Variants in PET100 observed in about 807,000 individuals in gnomAD.
PET100 encodes protein PET100 homolog, mitochondrial.
A neutral mutation model predicts 13.6 loss-of-function variants in PET100; 13 were observed. That is an observed-to-expected ratio of 0.96 (90% CI 0.62 to 1.52). The LOEUF (loss-of-function observed/expected upper bound fraction) is 1.52, where lower values mean the gene tolerates loss of function less well. Ranked by LOEUF, PET100 falls within the 40% of genes most tolerant of loss-of-function variation. The probability of loss-of-function intolerance (pLI) is 0.00; values close to 1 mark genes in which losing one functional copy is unlikely to be tolerated. For synonymous variants in PET100, 28 were observed against 30.8 expected (o/e 0.91, Z 0.30); for missense variants, 94 against 95.3 (o/e 0.99, Z 0.06).
At chr19:7,631,410 G>T in intron 3 of PET100, 63 bp from the exon 4 acceptor site, 2 of 821,204 alleles carry the variant, frequency 2.4e-6, no homozygotes, top group Non-Finnish European at 3.6e-6. Context: ...GGGGGGGGGT[G>T]GTCCCGGCTC....
rs1182307874 is a variant in PET100, at chr19:7,631,890, A to G, written c.*334A>G. 7.7e-7 allele frequency: 1 copy of G among 1,305,356 alleles called. No individual in the cohort carries two copies. The highest frequency in any genetic ancestry group is 1.5e-5 in the African/African-American group (1 of 66,166). The allele number at this position is 1,305,356 out of a possible 1,614,324, so 80.9% of individuals were successfully genotyped here. A position where few individuals can be genotyped will look rare whatever the true frequency, so the allele number is the denominator to read the frequency against. On this transcript the variant is annotated 3_prime_UTR_variant, in exon 4 of 4. Coordinates refer to ENST00000594797, the MANE Select transcript of PET100 (RefSeq NM_001171155.2). ...GTGGCGAACAATGGAGAGAGGGTGC[A>G]GGTAGCCACCGTGTCCCACCTCATT...
chr19:7,629,933 G>T lies in PET100; in HGVS notation c.27+73G>T, dbSNP rs528021184. The stretch of plus-strand genomic sequence containing the variant: ...TGGATCTGAAGATGAGGTTGGAAAT[G>T]GGGGGACTTCAAAGGAAGAGGGAGC... On this transcript the variant is annotated intron_variant, in intron 1 of 3. Transcript: ENST00000594797. 3.4e-3 allele frequency: 4,920 copies of T among 1,431,456 alleles called. 15 individuals carry two copies. The highest frequency in any genetic ancestry group is 4.1e-3 in the Non-Finnish European group (4,449 of 1,087,038). 88.7% of individuals were successfully genotyped at this position (1,431,456 alleles called of 1,614,324 possible).
Position 7,631,536 on chromosome 19 carries a change from G to A in PET100, c.202G>A (p.Asp68Asn), listed in dbSNP as rs978345033. 5.5e-5 allele frequency: 85 copies of A among 1,535,792 alleles called. No individual in the cohort carries two copies. Among genetic ancestry groups the A allele is most frequent in the Admixed American group, 7.9e-5 (4 of 50,930 alleles). Residue 68 changes from aspartate to asparagine, a missense_variant, in exon 4 of 4, where the codon GAC becomes AAC. By Grantham distance (23) the Asp-to-Asn change is conservative (BLOSUM62 1). Transcript: ENST00000594797. ...RKRREEKLLR[D>N]AQQNS ...GCGGCGGGAGGAGAAGCTCCTTCGC[G>A]ACGCCCAGCAGAACTCCTGAGGCCT...
chr19:7,629,875 G>C lies in PET100; in HGVS notation c.27+15G>C. The C allele has an allele frequency of 6.5e-7, 1 of 1,528,744 alleles. No homozygotes were observed. Among genetic ancestry groups the C allele is most frequent in the African/African-American group, 1.4e-5 (1 of 72,848 alleles). The allele number at this position is 1,528,744 out of a possible 1,614,324, so 94.7% of individuals were successfully genotyped here. A position where few individuals can be genotyped will look rare whatever the true frequency, so the allele number is the denominator to read the frequency against. On this transcript the variant is annotated intron_variant, in intron 1 of 3. Transcript: ENST00000594797. ...AGATATTTCGGGTCAGTGGACACAG[G>C]AGTGGGTTGGGAGGCTGGGCAGGGG...
At position 7,631,912 on chromosome 19, in the gene PET100, CATT is replaced by C; in HGVS notation, c.*357_*359del. The C allele has an allele frequency of 8.7e-7, 1 of 1,148,074 alleles. No individual in the cohort carries two copies. Among genetic ancestry groups the C allele is most frequent in the East Asian group, 2.8e-5 (1 of 35,434 alleles). The allele number at this position is 1,148,074 out of a possible 1,614,324, so 71.1% of individuals were successfully genotyped here. On this transcript the variant is annotated 3_prime_UTR_variant, in exon 4 of 4. Coordinates refer to ENST00000594797, the MANE Select transcript of PET100 (RefSeq NM_001171155.2). The stretch of plus-strand genomic sequence containing the variant: ...TGCAGGTAGCCACCGTGTCCCACCT[CATT>C]GTGAGCACTGGTCTATGTTTACCCT...
At chr19:7,630,463 C>A in intron 1 of PET100, 110 bp from the exon 2 acceptor site, 1 of 846,820 alleles carries the variant, frequency 1.2e-6, no homozygotes, top group Non-Finnish European at 1.9e-6. Context: ...CTTGGGTCGG[C>A]CGTAACGAGG....
intron 3 of PET100, 150 bp downstream of exon 3, chr19:7,630,996 G>C: frequency 1.9e-6 from 2 of 1,047,894 alleles, no homozygotes; most frequent in Non-Finnish European, 2.8e-6. Context: ...ATCACTTGAG[G>C]TCAGGAGTTC....
chr19:7,630,441 A>T, intron 1 of PET100, 132 bp from the exon 2 acceptor site: 1 of 693,774 alleles, frequency 1.4e-6, no homozygotes, highest in South Asian at 1.7e-5. Flanking sequence ...CCTTGGTGGG[A>T]GTTCTGGGAT....
intron 1 of PET100, chr19:7,630,117 A>G (rs1317523565): frequency 1.7e-5 from 7 of 413,814 alleles, no homozygotes; most frequent in Non-Finnish European, 3.0e-5. Context: ...GTGAGCTGAG[A>G]AGGGGGCTCT....
In PET100 at chr19:7,631,528, T is replaced by A; in HGVS notation, c.194T>A (p.Leu65His). 1 of 1,535,842 alleles carries A rather than the reference T, an allele frequency of 6.5e-7. No individual in the cohort carries two copies. The highest frequency in any genetic ancestry group is 8.7e-7 in the Non-Finnish European group (1 of 1,146,670). ...TTACGGAAGCGGCGGGAGGAGAAGC[T>A]CCTTCGCGACGCCCAGCAGAACTCC... Reference protein sequence around the residue: ...ERLRKRREEKLLRDAQQNS With the variant: ...ERLRKRREEKHLRDAQQNS The change falls in exon 4 of 4, where the codon CTC becomes CAC. Residue 65 changes from leucine (L) to histidine (H), a missense_variant. Transcript: ENST00000594797.
Position 7,631,813 on chromosome 19 carries a change from G to T in PET100, c.*257G>T, listed in dbSNP as rs1326298373. 7.2e-7 allele frequency: 1 copy of T among 1,394,334 alleles called. No individual in the cohort carries two copies. The highest frequency in any genetic ancestry group is 2.8e-5 in the Admixed American group (1 of 36,214). 86.4% of individuals were successfully genotyped at this position (1,394,334 alleles called of 1,614,324 possible). A position where few individuals can be genotyped will look rare whatever the true frequency, so the allele number is the denominator to read the frequency against. On this transcript the variant is annotated 3_prime_UTR_variant, in exon 4 of 4. Coordinates refer to ENST00000594797, the MANE Select transcript of PET100 (RefSeq NM_001171155.2). Reference sequence around the variant, plus strand: ...AGCTCGTTTCTGTGCTCCGTCCTGTGGATGAAGAGGGGTCAGCCAGGGGGA... The same window carrying T: ...AGCTCGTTTCTGTGCTCCGTCCTGTTGATGAAGAGGGGTCAGCCAGGGGGA...
At chr19:7,630,700 G>A (rs1307671480) in intron 2 of PET100, 41 bp downstream of exon 2, 1 of 1,532,044 alleles carries the variant, frequency 6.5e-7, no homozygotes, top group East Asian at 2.4e-5. Flanking sequence ...TTCCAGGGGT[G>A]GGAGAGGGTG....
chr19:7,630,960 A>T, intron 3 of PET100, 114 bp downstream of exon 3: 1 of 1,325,998 alleles, frequency 7.5e-7, no homozygotes, highest in Non-Finnish European at 1.0e-6. Context: ...TTGTAATCCC[A>T]GGGCATGGGA....
chr19:7,631,920 G>C lies in PET100; in HGVS notation c.*364G>C. 9.0e-7 allele frequency: 1 copy of C among 1,105,478 alleles called. No individual in the cohort carries two copies. Among genetic ancestry groups the C allele is most frequent in the Non-Finnish European group, 1.2e-6 (1 of 833,660 alleles). The allele number at this position is 1,105,478 out of a possible 1,614,324, so 68.5% of individuals were successfully genotyped here. ...GCCACCGTGTCCCACCTCATTGTGA[G>C]CACTGGTCTATGTTTACCCTCAATA... On this transcript the variant is annotated 3_prime_UTR_variant, in exon 4 of 4. Transcript: ENST00000594797.
At chr19:7,630,879 G>A (rs2031267902) in intron 3 of PET100, 33 bp downstream of exon 3, 1 of 1,537,122 alleles carries the variant, frequency 6.5e-7, no homozygotes, top group Non-Finnish European at 8.7e-7. Flanking sequence ...CAGAGGGATG[G>A]AGGAGGCTGG....
chr19:7,631,886 G>A lies in PET100; in HGVS notation c.*330G>A. ...ACAGGTGGCGAACAATGGAGAGAGG[G>A]TGCAGGTAGCCACCGTGTCCCACCT... is the stretch of plus-strand genomic sequence containing the variant. On this transcript the variant is annotated 3_prime_UTR_variant, in exon 4 of 4. Coordinates refer to ENST00000594797, the MANE Select transcript of PET100 (RefSeq NM_001171155.2). 2 of 1,326,694 alleles carry A rather than the reference G, an allele frequency of 1.5e-6. No individual in the cohort carries two copies. The highest frequency in any genetic ancestry group is 2.0e-6 in the Non-Finnish European group (2 of 1,020,430). 82.2% of individuals were successfully genotyped at this position (1,326,694 alleles called of 1,614,324 possible). A position where few individuals can be genotyped will look rare whatever the true frequency, so the allele number is the denominator to read the frequency against.
chr19:7,631,409 T>TGGGGTGGGGGGGGGGGGGGGGGGGG, intron 3 of PET100, 64 bp from the exon 4 acceptor site: 1 of 638,364 alleles, frequency 1.6e-6, no homozygotes, highest in Non-Finnish European at 2.2e-6. Flanking sequence ...CGGGGGGGGG[T>TGGGGTGGGGGGGGGGGGGGGGGGGG]GGTCCCGGCT....
chr19:7,631,163 C>T, intron 3 of PET100: 1 of 1,103,506 alleles, frequency 9.1e-7, no homozygotes, highest in Admixed American at 3.0e-5. Context: ...AGCCCAAGAT[C>T]ACGCCACTGC....
At position 7,631,404 on chromosome 19, in the gene PET100, G is replaced by GGT. The variant is rs1191501359; in HGVS notation, c.139-68_139-67insTG. The GGT allele has an allele frequency of 2.8e-6, 3 of 1,065,396 alleles. No individual in the cohort carries two copies. In the Admixed American group the frequency reaches 7.5e-5, roughly 27 times the overall value. 66.0% of individuals were successfully genotyped at this position (1,065,396 alleles called of 1,614,324 possible). A position where few individuals can be genotyped will look rare whatever the true frequency, so the allele number is the denominator to read the frequency against. ...AGGGTGGTGGGAGAGGTGGGCGGGG[G>GGT]GGGGTGGTCCCGGCTCTGAGGTGTG... On this transcript the variant is annotated intron_variant, in intron 3 of 3. Coordinates refer to ENST00000594797, the MANE Select transcript of PET100 (RefSeq NM_001171155.2).
Sources: gnomAD v4.1 joint callset for allele counts on GRCh38, gnomAD v4.1.1 for gene constraint, MANE v1.5 for transcripts, NCBI Gene and HGNC (gene_info 2026-07-23, HGNC 2026-07-21) for gene names.